The following POU2F2 variants were observed in gnomAD, a reference collection of about 807,000 sequenced individuals.
The protein encoded by POU2F2 is POU class 2 homeobox 2.
POU2F2 carries 14 observed loss-of-function variants against 63.5 expected under a neutral mutation model. The observed-to-expected ratio is 0.22, with a 90% confidence interval of 0.15 to 0.34. The LOEUF (loss-of-function observed/expected upper bound fraction) is 0.34, where lower values mean the gene tolerates loss of function less well. POU2F2 is among the 10% of genes least tolerant of loss of function. The pLI, the probability that POU2F2 is intolerant of heterozygous loss-of-function variation, is 1.00. For missense variants in POU2F2, 607 were observed against 815.2 expected, an observed-to-expected ratio of 0.74 and a Z score of 3.11; for synonymous variants, 306 against 348.6, an observed-to-expected ratio of 0.88 and a Z score of 1.36.
chr19:42,135,343 G>A (rs1451753565), upstream of POU2F2, among the ~76,000 whole-genome samples: 1 of 152,080 alleles, frequency 6.6e-6, no homozygotes, highest in Non-Finnish European at 1.5e-5. Flanking sequence ...TCCCCTTGCT[G>A]CATCTAAGCA....
At chr19:42,122,684 T>G in intron 1 of POU2F2, 108 bp from the exon 2 acceptor site, 2 of 1,009,564 alleles carry the variant, frequency 2.0e-6, no homozygotes, top group Non-Finnish European at 2.9e-6. Context: ...ATTCCCCCCT[T>G]ACCCCCAGCC....
In POU2F2 at chr19:42,091,332, G is replaced by A. The variant is rs779156187; in HGVS notation, c.1800C>T (p.Ser600=). 1.6e-5 allele frequency: 24 copies of A among 1,535,416 alleles called. 1 individual carries two copies. The Admixed American group carries it at 2.2e-4, about 14-fold the overall frequency. The change falls in exon 15 of 15, where the codon TCC becomes TCT. Residue 600 remains serine, a synonymous_variant. Coordinates refer to ENST00000692977, the MANE Select transcript of POU2F2 (RefSeq NM_001394376.1). ...GTGCTGCCGTCTCGCTGCAAGTGGAGGAGGAGGAGGATGAGGATGAAGAGG... is the reference window on the plus strand; with the variant it reads ...GTGCTGCCGTCTCGCTGCAAGTGGAAGAGGAGGAGGATGAGGATGAAGAGG... ...SSSSSSSSSS[S]STCSETAAQT...
At chr19:42,104,125 T>A (rs2146418105) in intron 5 of POU2F2, among the ~76,000 whole-genome samples, 1 of 152,246 alleles carries the variant, frequency 6.6e-6, no homozygotes, top group East Asian at 1.9e-4. Flanking sequence ...GGAAATACAC[T>A]CAGATTCACT....
chr19:42,093,009 A>ATTT (rs1201422267), intron 12 of POU2F2, among the ~76,000 whole-genome samples: 14 of 47,200 alleles, frequency 3.0e-4, no homozygotes, highest in East Asian at 1.2e-3. Flanking sequence ...ATATATATAT[A>ATTT]TTTTTTTTTT....
chr19:42,186,597 C>A (rs1255089801), intron 1 of POU2F2, among the ~76,000 whole-genome samples: 6 of 151,830 alleles, frequency 4.0e-5, no homozygotes, highest in African/African-American at 1.5e-4. Context: ...AGCAGCTTTG[C>A]ATTTTTGAGA....
chr19:42,132,374 G>A lies in POU2F2; in HGVS notation c.28+10C>T. 6.3e-7 allele frequency: 1 copy of A among 1,574,938 alleles called. No individual in the cohort carries two copies. The highest frequency in any genetic ancestry group is 8.6e-7 in the Non-Finnish European group (1 of 1,163,918). On this transcript the variant is annotated intron_variant, in intron 1 of 14. Transcript: ENST00000692977. ...CCTCTGAGCAGTGGCACAGGCACCA[G>A]CCCCCTTACCTGGAGCCCCCATGCT...
chr19:42,145,905 GCCTGGGTGACAAAGCGAGA>G (rs1322520929), intron 2 of POU2F2, among the ~76,000 whole-genome samples: 1 of 151,944 alleles, frequency 6.6e-6, no homozygotes, highest in East Asian at 1.9e-4. Flanking sequence ...CTGCACTCCA[GCCTGGGTGACAAAGCGAGA>G]CTCTGTCTCA....
chr19:42,179,521 G>T, upstream of POU2F2, among the ~76,000 whole-genome samples: 1 of 152,034 alleles, frequency 6.6e-6, no homozygotes, highest in African/African-American at 2.4e-5. Context: ...GGGAACAGGA[G>T]GGGGAAGGCA....
At chr19:42,114,317 C>G (rs1377409362) in intron 5 of POU2F2, among the ~76,000 whole-genome samples, 1 of 152,090 alleles carries the variant, frequency 6.6e-6, no homozygotes, top group Non-Finnish European at 1.5e-5. Context: ...GATATTTCCT[C>G]GAGCAGATTC....
At chr19:42,148,955 G>A (rs1175314393) in intron 2 of POU2F2, among the ~76,000 whole-genome samples, 3 of 151,734 alleles carry the variant, frequency 2.0e-5, no homozygotes, top group East Asian at 1.9e-4. Flanking sequence ...CACCCAGACC[G>A]AGAGGAAAAA....
intron 1 of POU2F2, among the ~76,000 whole-genome samples, chr19:42,195,323 T>TCCCTCC (rs2035129323): frequency 6.8e-6 from 1 of 147,682 alleles, no homozygotes; most frequent in African/African-American, 2.5e-5. Context: ...CTTCCCTCCC[T>TCCCTCC]CTTTTTCTTT....
intron 1 of POU2F2, among the ~76,000 whole-genome samples, chr19:42,129,356 A>G (rs1217298986): frequency 6.6e-6 from 1 of 152,042 alleles, no homozygotes; most frequent in Non-Finnish European, 1.5e-5. Flanking sequence ...TCCTCAGGTC[A>G]GACACCCCTC....
chr19:42,185,523 T>C (rs1008590720), intron 1 of POU2F2, among the ~76,000 whole-genome samples: 1 of 152,194 alleles, frequency 6.6e-6, no homozygotes, highest in Non-Finnish European at 1.5e-5. Context: ...CATCCTGTAC[T>C]GCAACCACAC....
At chr19:42,164,971 CAGAT>C (rs2034622317) in intron 1 of POU2F2, among the ~76,000 whole-genome samples, 1 of 151,310 alleles carries the variant, frequency 6.6e-6, no homozygotes, top group South Asian at 2.1e-4. Context: ...AAAAAAAAGA[CAGAT>C]AGCAAAAGGT....
intron 1 of POU2F2, among the ~76,000 whole-genome samples, chr19:42,125,702 C>T (rs2033136803): frequency 6.6e-6 from 1 of 152,244 alleles, no homozygotes; most frequent in Admixed American, 6.5e-5. Context: ...TCCAGCGGAG[C>T]TCCACATTGC....
chr19:42,176,754 G>C (rs2034889748), upstream of POU2F2, among the ~76,000 whole-genome samples: 1 of 150,596 alleles, frequency 6.6e-6, no homozygotes. Flanking sequence ...ACCCAGCCAG[G>C]GGGCAAAGCC....
chr19:42,175,427 C>T (rs1389168315), intron 1 of POU2F2, among the ~76,000 whole-genome samples: 2 of 151,002 alleles, frequency 1.3e-5, no homozygotes, highest in Non-Finnish European at 2.9e-5. Flanking sequence ...GTAGAAAGAG[C>T]TGGCAACAGG....
upstream of POU2F2, among the ~76,000 whole-genome samples, chr19:42,180,265 C>T (rs1308607280): frequency 6.6e-6 from 1 of 152,280 alleles, no homozygotes; most frequent in African/African-American, 2.4e-5. Flanking sequence ...ATAAGAGACA[C>T]CCATGAGCAG....
At chr19:42,121,955 G>T (rs1371005466) in intron 4 of POU2F2, 171 bp downstream of exon 4, 3 of 684,784 alleles carry the variant, frequency 4.4e-6, no homozygotes, top group East Asian at 2.8e-5. Context: ...GAAGGAGCCT[G>T]CGTGAGTCAC....
Sources: gnomAD v4.1 joint callset for allele counts (sites outside exome capture counted in the v4.1 genomes callset) on GRCh38, gnomAD v4.1.1 for gene constraint, MANE v1.5 for transcripts, NCBI Gene and HGNC (gene_info 2026-07-23, HGNC 2026-07-21) for gene names.